The following PLOD2 variants were observed in gnomAD, a reference collection of about 807,000 sequenced individuals.
PLOD2 encodes procollagen-lysine,2-oxoglutarate 5-dioxygenase 2, also known as lysine hydroxylase 2.
A neutral mutation model predicts 101.0 loss-of-function variants in PLOD2; 65 were observed. The ratio of observed to expected loss-of-function variants is 0.64; its 90% CI spans 0.53 to 0.79. PLOD2 has a LOEUF of 0.79. PLOD2 is among the 30% of genes least tolerant of loss of function. The pLI is 0.00. For synonymous variants in PLOD2, 314 were observed against 302.9 expected (o/e 1.04, Z -0.38); for missense variants, 909 against 914.6 (o/e 0.99, Z 0.08).
intron 7 of PLOD2, among the ~76,000 whole-genome samples, chr3:146,096,489 G>A (rs1285490281): frequency 4.6e-5 from 5 of 107,670 alleles, no homozygotes; most frequent in Admixed American, 3.5e-4. Flanking sequence ...GAGCGTCTCT[G>A]CCCGGCCGCC....
intron 17 of PLOD2, among the ~76,000 whole-genome samples, chr3:146,072,133 AG>A (rs1936164210): frequency 6.6e-6 from 1 of 151,746 alleles, no homozygotes; most frequent in Non-Finnish European, 1.5e-5. Context: ...TAAGGCACTC[AG>A]ATCCCTCCTT....
chr3:146,078,883 G>A (rs556187716), intron 13 of PLOD2, among the ~76,000 whole-genome samples: 107 of 151,810 alleles, frequency 7.0e-4, no homozygotes, highest in Non-Finnish European at 9.4e-4. Flanking sequence ...AATCCAACTC[G>A]GTTGCCTATG....
rs1936098901 is a variant in PLOD2 at position 146,070,806 on chromosome 3, T to TGAAG, written c.2184_2187dup (p.Met730LeufsTer12). The TGAAG allele has an allele frequency of 6.2e-7, 1 of 1,610,252 alleles. No homozygotes were observed. The highest frequency in any genetic ancestry group is 1.3e-5 in the African/African-American group (1 of 74,742). On this transcript the variant is annotated frameshift_variant, in exon 20 of 20. Transcript: ENST00000282903. LOFTEE classifies it high-confidence loss of function. ...AAATGTGTGAGTCTCCCAGGATGCATGAAGCTCCAGCCTTTTCGTGGTGAC... is the reference window on the plus strand; with the variant it reads ...AAATGTGTGAGTCTCCCAGGATGCATGAAGGAAGCTCCAGCCTTTTCGTGGTGAC...
At chr3:146,113,816 G>T (rs1279468649) in intron 3 of PLOD2, among the ~76,000 whole-genome samples, 1 of 152,152 alleles carries the variant, frequency 6.6e-6, no homozygotes, top group Non-Finnish European at 1.5e-5. Flanking sequence ...GATGTTCAGG[G>T]AACAAGGGAG....
chr3:146,160,976 G>A lies in PLOD2; in HGVS notation c.14C>T (p.Thr5Met), dbSNP rs774068617. The A allele has an allele frequency of 4.4e-6, 7 of 1,586,648 alleles. No individual in the cohort carries two copies. In the East Asian group the frequency reaches 9.2e-5, roughly 21 times the overall value. The change falls in exon 1 of 20, where the codon ACG becomes ATG. Residue 5 changes from threonine (T) to methionine (M), a missense_variant. Physicochemically the swap from Thr to Met is moderately conservative, Grantham distance 81 (BLOSUM62 -1). Transcript: ENST00000282903. MGGC[T>M]VKPQLLLLAL... ...CAGGAGCAGCAGCTGAGGCTTCACC[G>A]TGCATCCCCCCATATTCGGCCCTCG...
At chr3:146,082,037 C>T (rs1157080157) in intron 11 of PLOD2, among the ~76,000 whole-genome samples, 174 bp from the exon 12 acceptor site, 1 of 152,070 alleles carries the variant, frequency 6.6e-6, no homozygotes, top group Non-Finnish European at 1.5e-5. Context: ...AACATCTTTT[C>T]TTAAGTAAGT....
Position 146,106,600 on chromosome 3 carries a change from A to G in PLOD2, c.547T>C (p.Trp183Arg), listed in dbSNP as rs372627019. 5.0e-6 allele frequency: 8 copies of G among 1,593,524 alleles called. No individual in the cohort carries two copies. Among genetic ancestry groups the G allele is most frequent in the Non-Finnish European group, 6.0e-6 (7 of 1,161,512 alleles). Residue 183 changes from tryptophan to arginine, a missense_variant, in exon 5 of 20, where the codon TGG (tryptophan) becomes CGG (arginine). Coordinates refer to ENST00000282903, the MANE Select transcript of PLOD2 (RefSeq NM_182943.3). ...APYVNRIVQQWNLQDNDDDQL... is the reference protein window; with the variant it reads ...APYVNRIVQQRNLQDNDDDQL... ...TCATCATCATTATCCTGGAGATTCC[A>G]TTGTTGAACTATACGGTTGACATAT...
chr3:146,104,376 G>T, intron 5 of PLOD2, 34 bp from the exon 6 acceptor site: 1 of 1,103,644 alleles, frequency 9.1e-7, no homozygotes, highest in South Asian at 1.2e-5. Context: ...TATTGAAAAT[G>T]ACAACAAAAA....
chr3:146,097,600 GCATGCTCGTTAAGAGTCA>G (rs1363239123), intron 7 of PLOD2, among the ~76,000 whole-genome samples: 1 of 117,040 alleles, frequency 8.5e-6, no homozygotes, highest in Non-Finnish European at 1.7e-5. Flanking sequence ...CTTGAAGGCA[GCATGCTCGTTAAGAGTCA>G]TCACCACTCC....
Position 146,119,583 on chromosome 3 carries a change from C to T in PLOD2, c.338+1529G>A, listed in dbSNP as rs1404135799. Among the ~76,000 whole-genome samples, 3 of 148,972 alleles carry T rather than the reference C, an allele frequency of 2.0e-5. No individual in the cohort carries two copies. In the East Asian group the frequency reaches 5.8e-4, roughly 29 times the overall value. On this transcript the variant is annotated intron_variant, in intron 3 of 19. Coordinates refer to ENST00000282903, the MANE Select transcript of PLOD2 (RefSeq NM_182943.3). ...CATTAGGTATATCTCCTAATGCTAT[C>T]CCTCCCCCATTCCCCCACTCCACAA...
chr3:146,150,948 G>A (rs1023091779), intron 1 of PLOD2, among the ~76,000 whole-genome samples: 4 of 152,108 alleles, frequency 2.6e-5, no homozygotes, highest in Non-Finnish European at 4.4e-5. Context: ...CTTTTTAAAT[G>A]TAAATTTAAT....
intron 1 of PLOD2, among the ~76,000 whole-genome samples, chr3:146,137,636 A>AACTAG (rs2031306987): frequency 6.6e-6 from 1 of 152,162 alleles, no homozygotes; most frequent in Non-Finnish European, 1.5e-5. Context: ...AAGCATTAGC[A>AACTAG]TGGACTAGAA....
chr3:146,090,287 T>A (rs1004779403), intron 8 of PLOD2, among the ~76,000 whole-genome samples: 1 of 151,442 alleles, frequency 6.6e-6, no homozygotes, highest in African/African-American at 2.4e-5. Context: ...TATATCCCTA[T>A]TGAAAAACAG....
At chr3:146,089,787 T>C (rs919497236) in intron 8 of PLOD2, among the ~76,000 whole-genome samples, 3 of 151,618 alleles carry the variant, frequency 2.0e-5, no homozygotes, top group Admixed American at 1.3e-4. Context: ...CCAGTAGTTC[T>C]CAATTTAATA....
chr3:146,146,854 G>A (rs1053332176), intron 1 of PLOD2, among the ~76,000 whole-genome samples: 1 of 152,096 alleles, frequency 6.6e-6, no homozygotes, highest in African/African-American at 2.4e-5. Flanking sequence ...AATTACTTTT[G>A]TTAAATCTGT....
intron 9 of PLOD2, among the ~76,000 whole-genome samples, chr3:146,087,537 G>A (rs1004631760): frequency 4.0e-5 from 6 of 151,754 alleles, no homozygotes; most frequent in African/African-American, 9.7e-5. Flanking sequence ...TAAAATTCAG[G>A]TAAGATTATC....
intron 3 of PLOD2, among the ~76,000 whole-genome samples, chr3:146,114,251 G>GAT (rs200493571): frequency 2.6e-5 from 4 of 151,150 alleles, no homozygotes; most frequent in Non-Finnish European, 4.4e-5. Context: ...TTGCCTCTGT[G>GAT]TGCCTCTGTG....
chr3:146,085,236 A>G lies in PLOD2; in HGVS notation c.1165T>C (p.Phe389Leu), dbSNP rs1034575012. 1.2e-6 allele frequency: 2 copies of G among 1,607,812 alleles called. No individual in the cohort carries two copies. Among genetic ancestry groups the G allele is most frequent in the Admixed American group, 1.7e-5 (1 of 59,958 alleles). ...CRQDEKCDYY[F>L]SVDADVVLTN... The stretch of plus-strand genomic sequence containing the variant: ...AAAACAACATCTGCATCCACACTAA[A>G]GTAATAATCACACTTTTCATCCTGA... The change falls in exon 11 of 20, where the codon TTT (phenylalanine) becomes CTT (leucine). Residue 389 changes from phenylalanine to leucine, a missense_variant. Physicochemically the swap from Phe to Leu is conservative, Grantham distance 22. Transcript: ENST00000282903.
Position 146,072,579 on chromosome 3 carries a change from C to T in PLOD2, c.1830G>A (p.Trp610Ter), listed in dbSNP as rs1229356148. ...AACTTACATGATGTTTTCCCCCAGA[C>T]CATTTGCCGTAATGTTCCATTTCTT... ...LVEEMEHYGKWSGGKHHDSRI... is the reference protein window; with the variant it reads ...LVEEMEHYGK The change falls in exon 17 of 20, where the codon TGG (tryptophan) becomes TGA (stop). Residue 610 changes from tryptophan (W) to a stop codon, truncating the protein, a stop_gained. Coordinates refer to ENST00000282903, the MANE Select transcript of PLOD2 (RefSeq NM_182943.3). LOFTEE classifies it high-confidence loss of function. The T allele has an allele frequency of 1.2e-6, 2 of 1,606,502 alleles. No individual in the cohort carries two copies. Among genetic ancestry groups the T allele is most frequent in the South Asian group, 1.1e-5 (1 of 90,956 alleles).
Sources: allele counts gnomAD v4.1 joint callset (sites outside exome capture counted in the v4.1 genomes callset), GRCh38; gene constraint gnomAD v4.1.1; transcripts MANE v1.5; gene names NCBI Gene and HGNC (gene_info 2026-07-23, HGNC 2026-07-21).